The following MVP variants were observed in gnomAD, a reference collection of about 807,000 sequenced individuals.
The protein encoded by MVP is lung resistance-related protein.
In MVP, 62 loss-of-function variants were observed where a neutral mutation model predicts 83.5. The observed-to-expected ratio is 0.74, with a 90% confidence interval of 0.61 to 0.92. MVP has a LOEUF of 0.92. Ranked by LOEUF, MVP falls within the 40% of genes least tolerant of loss-of-function variation. The pLI is 0.00. For missense variants in MVP, 1,000 were observed against 1,203.4 expected, an observed-to-expected ratio of 0.83 and a Z score of 2.50; for synonymous variants, 505 against 504.1, an observed-to-expected ratio of 1.00 and a Z score of -0.02.
At chr16:29,832,925 C>G (rs993224150) in intron 3 of MVP, among the ~76,000 whole-genome samples, 2 of 151,980 alleles carry the variant, frequency 1.3e-5, no homozygotes, top group Admixed American at 1.3e-4. Flanking sequence ...ATTAGCCAGG[C>G]GTGGTGGCAT....
At chr16:29,823,185 C>T (rs2067378279) in intron 1 of MVP, among the ~76,000 whole-genome samples, 3 of 131,652 alleles carry the variant, frequency 2.3e-5, no homozygotes, top group African/African-American at 8.8e-5. Context: ...CACTCGTGTG[C>T]TCCATTTACG....
intron 10 of MVP, 41 bp downstream of exon 10, chr16:29,842,153 C>T (rs1165144625): frequency 1.9e-6 from 3 of 1,549,476 alleles, no homozygotes; most frequent in South Asian, 2.3e-5. Context: ...TTCCTGGAAT[C>T]CCAGCACTTT....
chr16:29,837,158 A>C (rs775428607), intron 7 of MVP, among the ~76,000 whole-genome samples, 200 bp downstream of exon 7: 2 of 152,202 alleles, frequency 1.3e-5, no homozygotes, highest in Non-Finnish European at 2.9e-5. Context: ...ACCTGAAGTT[A>C]ATTCCCCTTC....
chr16:29,823,329 A>G (rs545009227), intron 1 of MVP, among the ~76,000 whole-genome samples: 57 of 151,352 alleles, frequency 3.8e-4, no homozygotes, highest in Non-Finnish European at 7.1e-4. Context: ...GGGTCTCCCT[A>G]TGTTGCCCAG....
chr16:29,845,961 T>C lies in MVP; in HGVS notation c.2120T>C (p.Leu707Ser). The change falls in exon 12 of 15, where the codon TTG becomes TCG. Residue 707 changes from leucine (L) to serine (S), a missense_variant. Leu to Ser is a moderately radical substitution (Grantham distance 145). Coordinates refer to ENST00000357402, the MANE Select transcript of MVP (RefSeq NM_005115.5). Reference protein sequence around the residue: ...SEAEKARKELLELEALSMAVE... With the variant: ...SEAEKARKELSELEALSMAVE... ...GCCGAGAAAGCTCGCAAGGAACTTT[T>C]GGAGCTGGAGGCTCTGAGGTGGGTT... 6.2e-7 allele frequency: 1 copy of C among 1,614,268 alleles called. No individual in the cohort carries two copies. Among genetic ancestry groups the C allele is most frequent in the Non-Finnish European group, 8.5e-7 (1 of 1,180,042 alleles).
intron 5 of MVP, 38 bp from the exon 6 acceptor site, chr16:29,835,666 G>T: frequency 1.9e-6 from 3 of 1,570,392 alleles, no homozygotes; most frequent in Non-Finnish European, 2.6e-6. Flanking sequence ...GGAGCAGGCT[G>T]GGGGGCCCTT....
Position 29,844,811 on chromosome 16 carries a change from G to C in MVP, c.1953G>C (p.Arg651=). The C allele has an allele frequency of 6.2e-7, 1 of 1,608,964 alleles. No homozygotes were observed. Among genetic ancestry groups the C allele is most frequent in the Non-Finnish European group, 8.5e-7 (1 of 1,180,020 alleles). The change falls in exon 11 of 15, where the codon CGG becomes CGC. Residue 651 remains arginine (R), a synonymous_variant. Transcript: ENST00000357402. ...QSVEPVDQRT[R]DALQRSVQLA... is the part of the protein sequence containing the mutation. ...TGGAGCCTGTGGATCAGAGGACCCG[G>C]GACGCCCTGCAACGCAGCGTCCAGC...
At position 29,833,950 on chromosome 16, in the gene MVP, G is replaced by A. The variant is rs144701925; in HGVS notation, c.461G>A (p.Arg154Gln). 744 of 1,614,078 alleles carry A rather than the reference G, an allele frequency of 4.6e-4. 1 individual carries two copies. The highest frequency in any genetic ancestry group is 2.1e-3 in the Middle Eastern group (13 of 6,058). The change falls in exon 5 of 15, where the codon CGG becomes CAG. Residue 154 changes from arginine to glutamine, a missense_variant. Physicochemically the swap from Arg to Gln is conservative, Grantham distance 43. Transcript: ENST00000357402. ...LFEGPGTYIP[R>Q]KEVEVVEIIQ... ...CCCTCCCCAGGCACGTACATCCCCC[G>A]GAAGGAAGTGGAGGTCGTGGAGATC...
chr16:29,820,965 C>T (rs934282929), intron 1 of MVP: 6 of 152,350 alleles, frequency 3.9e-5, no homozygotes, highest in African/African-American at 1.4e-4. Context: ...TTAACTCTGA[C>T]AGATGAGGGT....
intron 8 of MVP, 34 bp downstream of exon 8, chr16:29,840,493 G>A (rs779921257): frequency 2.7e-5 from 42 of 1,540,938 alleles, no homozygotes; most frequent in East Asian, 7.2e-5. Flanking sequence ...GTGCTGCCAC[G>A]TGGCCTTGGC....
intron 1 of MVP, among the ~76,000 whole-genome samples, chr16:29,825,430 C>G (rs1020822954): frequency 7.9e-5 from 12 of 152,188 alleles, no homozygotes; most frequent in African/African-American, 2.9e-4. Flanking sequence ...AAGGAAACCA[C>G]AAAAAACTCA....
At chr16:29,838,306 G>A (rs182136951) in intron 7 of MVP, among the ~76,000 whole-genome samples, 7 of 152,070 alleles carry the variant, frequency 4.6e-5, no homozygotes, top group African/African-American at 1.7e-4. Flanking sequence ...CATGGTGTCA[G>A]GCACCTGTAA....
At position 29,830,575 on chromosome 16, in the gene MVP, G is replaced by C. The variant is rs762150769; in HGVS notation, c.26G>C (p.Arg9Pro). The C allele has an allele frequency of 1.9e-5, 31 of 1,613,754 alleles. No individual in the cohort carries two copies. The highest frequency in any genetic ancestry group is 3.4e-6 in the Non-Finnish European group (4 of 1,179,928). The change falls in exon 2 of 15, where the codon CGC (arginine) becomes CCC (proline). Residue 9 changes from arginine to proline, a missense_variant. Transcript: ENST00000357402. ...ATGGCAACTGAAGAGTTCATCATCCGCATCCCCCCATACCACTATATCCAT... is the reference window on the plus strand; with the variant it reads ...ATGGCAACTGAAGAGTTCATCATCCCCATCCCCCCATACCACTATATCCAT... MATEEFII[R>P]IPPYHYIHVL... is the part of the protein sequence containing the mutation.
chr16:29,831,351 A>G (rs2067440900), intron 3 of MVP, among the ~76,000 whole-genome samples: 1 of 151,950 alleles, frequency 6.6e-6, no homozygotes, highest in Admixed American at 6.6e-5. Flanking sequence ...ACAGGGTTTC[A>G]CCATGTTGGC....
At chr16:29,823,230 A>T (rs1469770514) in intron 1 of MVP, among the ~76,000 whole-genome samples, 1 of 147,094 alleles carries the variant, frequency 6.8e-6, no homozygotes, top group African/African-American at 2.5e-5. Context: ...GGCACAGGCG[A>T]TCCTCCCACC....
At chr16:29,826,786 GCAT>G (rs998188234) in intron 1 of MVP, among the ~76,000 whole-genome samples, 1 of 151,968 alleles carries the variant, frequency 6.6e-6, no homozygotes, top group African/African-American at 2.4e-5. Flanking sequence ...AGTTAGCTGG[GCAT>G]GGTGGCAGGC....
chr16:29,825,325 C>G (rs2067397227), intron 1 of MVP, among the ~76,000 whole-genome samples: 1 of 152,190 alleles, frequency 6.6e-6, no homozygotes, highest in African/African-American at 2.4e-5. Flanking sequence ...GAGGGCTGGG[C>G]AGAGCCTTCC....
chr16:29,840,502 G>A (rs780790100), intron 8 of MVP, 43 bp downstream of exon 8: 1 of 1,528,310 alleles, frequency 6.5e-7, no homozygotes, highest in Non-Finnish European at 8.8e-7. Context: ...CGTGGCCTTG[G>A]CCTTGGTGGC....
At chr16:29,843,743 CA>C (rs1304169830) in intron 10 of MVP, among the ~76,000 whole-genome samples, 2 of 151,978 alleles carry the variant, frequency 1.3e-5, no homozygotes, top group Admixed American at 1.3e-4. Context: ...AAAAATTAGC[CA>C]GGCCTGGTTG....
Sources: gnomAD v4.1 joint callset for allele counts (sites outside exome capture counted in the v4.1 genomes callset) on GRCh38, gnomAD v4.1.1 for gene constraint, MANE v1.5 for transcripts, NCBI Gene and HGNC (gene_info 2026-07-23, HGNC 2026-07-21) for gene names.